Variants in TUFM observed in about 807,000 individuals in gnomAD.
The protein encoded by TUFM is elongation factor Tu, mitochondrial.
Under a neutral mutation model 45.0 loss-of-function variants are expected in TUFM, and 23 were observed. The observed-to-expected ratio is 0.51, with a 90% confidence interval of 0.37 to 0.72. The LOEUF (loss-of-function observed/expected upper bound fraction) is 0.72, where lower values mean the gene tolerates loss of function less well. TUFM is among the 30% of genes least tolerant of loss of function. The pLI is 0.00. For synonymous variants in TUFM, 243 were observed against 252.9 expected, an observed-to-expected ratio of 0.96 and a Z score of 0.37; for missense variants, 490 against 610.7, an observed-to-expected ratio of 0.80 and a Z score of 2.08.
intron 8 of TUFM, 31 bp downstream of exon 8, chr16:28,843,919 A>C: frequency 1.2e-6 from 2 of 1,614,058 alleles, no homozygotes; most frequent in Non-Finnish European, 1.7e-6. Flanking sequence ...AGCTTGGCTC[A>C]ACCCTGCCCA....
In TUFM at chr16:28,842,964, G is replaced by T; in HGVS notation, c.*11C>A. ...TTAAACGCAAGGGAAGCTGAGCAGA[G>T]ATCTGCACACTCAACCCCATTTGAT... On this transcript the variant is annotated 3_prime_UTR_variant, in exon 10 of 10. Coordinates refer to ENST00000313511, the MANE Select transcript of TUFM (RefSeq NM_003321.5). The T allele has an allele frequency of 6.2e-7, 1 of 1,614,008 alleles. No individual in the cohort carries two copies. Among genetic ancestry groups the T allele is most frequent in the Non-Finnish European group, 8.5e-7 (1 of 1,180,028 alleles).
At chr16:28,845,580 C>T (rs928488316) in intron 2 of TUFM, 100 bp from the exon 3 acceptor site, 2 of 1,396,252 alleles carry the variant, frequency 1.4e-6, no homozygotes, top group Admixed American at 1.8e-5. Context: ...ACATAACCTC[C>T]TCCAATCTCT....
chr16:28,845,414 C>T lies in TUFM; in HGVS notation c.314G>A (p.Arg105Gln), dbSNP rs767655664. The change falls in exon 3 of 10, where the codon CGA (arginine) becomes CAA (glutamine). Residue 105 changes from arginine (R) to glutamine (Q), a missense_variant. Transcript: ENST00000313511. ...CGCATTGATGGTGATACCCCGAGCTCGCTCCTCCGGGGCATTGTCAATCTC... is the reference window on the plus strand; with the variant it reads ...CGCATTGATGGTGATACCCCGAGCTTGCTCCTCCGGGGCATTGTCAATCTC... Reference protein sequence around the residue: ...YEEIDNAPEERARGITINAAH... With the variant: ...YEEIDNAPEEQARGITINAAH... 1 of 1,614,130 alleles carries T rather than the reference C, an allele frequency of 6.2e-7. No homozygotes were observed. Among genetic ancestry groups the T allele is most frequent in the East Asian group, 2.2e-5 (1 of 44,880 alleles).
At chr16:28,845,173 C>T (rs1366327739) in intron 3 of TUFM, 118 bp from the exon 4 acceptor site, 1 of 1,556,756 alleles carries the variant, frequency 6.4e-7, no homozygotes, top group East Asian at 2.2e-5. Flanking sequence ...CTCCTCACCA[C>T]CCATTCTGCG....
chr16:28,845,491 A>G lies in TUFM; in HGVS notation c.248-11T>C, dbSNP rs532756718. On this transcript the variant is annotated splice_polypyrimidine_tract_variant and intron_variant, in intron 2 of 9. Coordinates refer to ENST00000313511, the MANE Select transcript of TUFM (RefSeq NM_003321.5). ...CTCCCTCAGCTAGAACTAAAGGAGG[A>G]AAAGAACACACCTCTCAGCTAAAGT... The G allele has an allele frequency of 6.2e-7, 1 of 1,614,100 alleles. No individual in the cohort carries two copies. Among genetic ancestry groups the G allele is most frequent in the South Asian group, 1.1e-5 (1 of 91,084 alleles).
chr16:28,845,761 G>GTCTCT, intron 2 of TUFM, 151 bp downstream of exon 2: 1 of 1,004,308 alleles, frequency 1.0e-6, no homozygotes, highest in Non-Finnish European at 1.5e-6. Flanking sequence ...GGAGAAATTT[G>GTCTCT]TCTCTTGCAT....
chr16:28,843,295 G>T, intron 9 of TUFM, 147 bp from the exon 10 acceptor site: 1 of 831,710 alleles, frequency 1.2e-6, no homozygotes, highest in Non-Finnish European at 2.0e-6. Context: ...ATCCCAGGCT[G>T]TCAGGCAGAT....
At position 28,844,074 on chromosome 16, in the gene TUFM, T is replaced by C. The variant is rs1474804839; in HGVS notation, c.950A>G (p.Glu317Gly). The C allele has an allele frequency of 1.2e-6, 2 of 1,614,128 alleles. No individual in the cohort carries two copies. Among genetic ancestry groups the C allele is most frequent in the African/African-American group, 1.3e-5 (1 of 75,012 alleles). The change falls in exon 8 of 10, where the codon GAG (glutamate) becomes GGG (glycine). Residue 317 changes from glutamate to glycine, a missense_variant. Transcript: ENST00000313511. This position sits in a 1 kb window ranked among gnomAD's most constrained non-coding sequence, Gnocchi z 5.8. ...GAGGTTATCTCCGGCCTCGGCCCTC[T>C]CCAGGCTCTTGTGGAACATCTCAAT... ...TGIEMFHKSLERAEAGDNLGA... is the reference protein window; with the variant it reads ...TGIEMFHKSLGRAEAGDNLGA...
chr16:28,842,528 T>G lies in TUFM; in HGVS notation c.*447A>C. The G allele has an allele frequency of 4.0e-6, 1 of 251,414 alleles. No individual in the cohort carries two copies. The allele number at this position is 251,414 out of a possible 1,614,324, so 15.6% of individuals were successfully genotyped here. ...TGGATGCTAGACATTCACTTAGTAT[T>G]CCGAGGAAACAAGATGGGTTTGGCA... On this transcript the variant is annotated 3_prime_UTR_variant, in exon 10 of 10. Coordinates refer to ENST00000313511, the MANE Select transcript of TUFM (RefSeq NM_003321.5).
At position 28,843,119 on chromosome 16, in the gene TUFM, C is replaced by T. The variant is rs117230775; in HGVS notation, c.1224G>A (p.Lys408=). 5 of 1,614,206 alleles carry T rather than the reference C, an allele frequency of 3.1e-6. No individual in the cohort carries two copies. The highest frequency in any genetic ancestry group is 2.2e-5 in the East Asian group (1 of 44,878). Residue 408 remains lysine, a synonymous_variant, in exon 10 of 10, where the codon AAG becomes AAA. Transcript: ENST00000313511. ...KELAMPGEDL[K]FNLILRQPMI... ...TTGGCTGCCGCAAGATTAGGTTGAA[C>T]TTCAGGTCCTCCCCGGGCATGGCAA... is the stretch of plus-strand genomic sequence containing the variant.
chr16:28,844,556 T>C lies in TUFM; in HGVS notation c.685-5A>G. 1.2e-6 allele frequency: 2 copies of C among 1,613,458 alleles called. No individual in the cohort carries two copies. Among genetic ancestry groups the C allele is most frequent in the Non-Finnish European group, 1.7e-6 (2 of 1,180,016 alleles). Reference sequence around the variant, plus strand: ...GCCTAACTCAGGGTCCCGACCCTGTTGAGGGGAAGTGCCAGGACTCTGAAA... The same window carrying C: ...GCCTAACTCAGGGTCCCGACCCTGTCGAGGGGAAGTGCCAGGACTCTGAAA... On this transcript the variant is annotated splice_region_variant and splice_polypyrimidine_tract_variant and intron_variant, in intron 5 of 9. Coordinates refer to ENST00000313511, the MANE Select transcript of TUFM (RefSeq NM_003321.5). This position sits in a 1 kb window ranked among gnomAD's most constrained non-coding sequence, Gnocchi z 5.8.
Position 28,846,278 on chromosome 16 carries a change from C to T in TUFM, c.-9G>A, listed in dbSNP as rs1215160494. ...GCCGCCATTGTGGTCATACTCGCGC[C>T]CCGGTAACCGGGGAGCCGGGACCAG... is the stretch of plus-strand genomic sequence containing the variant. On this transcript the variant is annotated 5_prime_UTR_variant, in exon 1 of 10. Transcript: ENST00000313511. The T allele has an allele frequency of 9.7e-6, 15 of 1,553,934 alleles. No individual in the cohort carries two copies. The highest frequency in any genetic ancestry group is 1.4e-5 in the African/African-American group (1 of 73,196).
In TUFM at chr16:28,845,973, A is replaced by G; in HGVS notation, c.186T>C (p.Asn62=). Residue 62 remains asparagine (N), a synonymous_variant, in exon 2 of 10, where the codon AAT becomes AAC. Transcript: ENST00000313511. ...GGTCCACATGGCCGATGGTACCCAC[A>G]TTCACATGTGGCTTGTCGCGCACGT... ...KTYVRDKPHV[N]VGTIGHVDHG... 6.2e-7 allele frequency: 1 copy of G among 1,614,050 alleles called. No homozygotes were observed. The highest frequency in any genetic ancestry group is 1.1e-5 in the South Asian group (1 of 91,072).
rs190216362 is a variant in TUFM at position 28,842,879 on chromosome 16, T to A, written c.*96A>T. On this transcript the variant is annotated 3_prime_UTR_variant, in exon 10 of 10. Transcript: ENST00000313511. ...GTCCATCTAGCTGCCCTCTGCTGGGTTGCAGCCTATGCCATGAGAGGGTAC... is the reference window on the plus strand; with the variant it reads ...GTCCATCTAGCTGCCCTCTGCTGGGATGCAGCCTATGCCATGAGAGGGTAC... The A allele has an allele frequency of 5.8e-5, 87 of 1,508,072 alleles. No individual in the cohort carries two copies. The Admixed American group carries it at 1.4e-3, about 24-fold the overall frequency. The allele number at this position is 1,508,072 out of a possible 1,614,324, so 93.4% of individuals were successfully genotyped here.
chr16:28,846,199 G>C lies in TUFM; in HGVS notation c.52+19C>G. On this transcript the variant is annotated intron_variant, in intron 1 of 9. Transcript: ENST00000313511. ...CCCAAAGTGTTCCTGGGCCGCCATC[G>C]CCCTCCCTGACCACTCACCGCTGAA... is the stretch of plus-strand genomic sequence containing the variant. 6.3e-7 allele frequency: 1 copy of C among 1,583,076 alleles called. No homozygotes were observed. The highest frequency in any genetic ancestry group is 8.6e-7 in the Non-Finnish European group (1 of 1,164,696).
intron 9 of TUFM, 94 bp downstream of exon 9, chr16:28,843,642 T>C (rs1311793167): frequency 6.4e-7 from 1 of 1,563,424 alleles, no homozygotes. Flanking sequence ...ATAAAGCCAC[T>C]CGGGTTGTCA....
intron 3 of TUFM, 53 bp from the exon 4 acceptor site, chr16:28,845,108 C>T (rs1961905366): frequency 1.3e-6 from 2 of 1,596,500 alleles, no homozygotes; most frequent in Admixed American, 1.7e-5. Flanking sequence ...CTTCAGTTCA[C>T]ATCCATATAG....
At chr16:28,843,230 A>G in intron 9 of TUFM, 82 bp from the exon 10 acceptor site, 1 of 1,455,246 alleles carries the variant, frequency 6.9e-7, no homozygotes, top group Non-Finnish European at 9.6e-7. Flanking sequence ...TCGGAGGTTA[A>G]GAGTCATGGG....
At chr16:28,843,255 G>A in intron 9 of TUFM, 107 bp from the exon 10 acceptor site, 1 of 1,185,664 alleles carries the variant, frequency 8.4e-7, no homozygotes, top group South Asian at 1.3e-5. Flanking sequence ...TGCAGCAGGG[G>A]AATGGTTCTG....
Sources: allele counts gnomAD v4.1 joint callset, GRCh38; gene constraint gnomAD v4.1.1; non-coding constraint Gnocchi (gnomAD v3.1); transcripts MANE v1.5; gene names NCBI Gene and HGNC (gene_info 2026-07-23, HGNC 2026-07-21).